The following DCHS2 variants were observed in gnomAD, a reference collection of about 807,000 sequenced individuals.
DCHS2 encodes dachsous cadherin-related 2.
A neutral mutation model predicts 182.4 loss-of-function variants in DCHS2; 142 were observed. The observed-to-expected ratio is 0.78, with a 90% CI of 0.68 to 0.89. The LOEUF is 0.89. Among genes scored for constraint, DCHS2 ranks in the 40% least tolerant of loss-of-function variants. The probability of loss-of-function intolerance (pLI) is 0.00; values close to 1 mark genes in which losing one functional copy is unlikely to be tolerated. For missense variants in DCHS2, 4,319 were observed against 4,198.6 expected (o/e 1.03, Z -0.79); for synonymous variants, 1,740 against 1,663.3 (o/e 1.05, Z -1.12).
chr4:154,344,736 G>A (rs1227438966), intron 3 of DCHS2, among the ~76,000 whole-genome samples: 1 of 152,190 alleles, frequency 6.6e-6, no homozygotes, highest in South Asian at 2.1e-4. Flanking sequence ...CTGAGGCGGT[G>A]CCGCAGGGCT....
rs996921819 is a variant in DCHS2 at position 154,391,821 on chromosome 4, C to A, written c.2053-14377G>T. 2.0e-5 allele frequency among the ~76,000 whole-genome samples: 3 copies of A among 152,116 alleles called. No homozygotes were observed. In the East Asian group the frequency reaches 5.8e-4, roughly 29 times the overall value. On this transcript the variant is annotated intron_variant, in intron 1 of 19. Transcript: ENST00000357232. The stretch of plus-strand genomic sequence containing the variant: ...TGAAGGCGATGGGCCACGTGATGGC[C>A]CTGACCTGCTGAAAGCTAAAGCTCA...
chr4:154,437,173 G>A (rs1205580316), intron 1 of DCHS2, among the ~76,000 whole-genome samples: 1 of 152,070 alleles, frequency 6.6e-6, no homozygotes, highest in African/African-American at 2.4e-5. Flanking sequence ...GTTCACCCAG[G>A]AGCTTATTAA....
In DCHS2 at chr4:154,233,179, T is replaced by TAACA. The variant is rs1391986482; in HGVS notation, c.*1353_*1356dup. On this transcript the variant is annotated 3_prime_UTR_variant, in exon 20 of 20. Transcript: ENST00000357232. ...CATTAGAATTCCTAAACTGTTAGCCTAACACCTGGCCCTCATGCTGACCAC... is the reference window on the plus strand; with the variant it reads ...CATTAGAATTCCTAAACTGTTAGCCTAACAAACACCTGGCCCTCATGCTGACCAC... 6.6e-6 allele frequency: 1 copy of TAACA among 152,140 alleles called. No homozygotes were observed. The highest frequency in any genetic ancestry group is 1.5e-5 in the Non-Finnish European group (1 of 68,016). The allele number at this position is 152,140 out of a possible 1,614,324, so 9.4% of individuals were successfully genotyped here. A position where few individuals can be genotyped will look rare whatever the true frequency, so the allele number is the denominator to read the frequency against.
intron 12 of DCHS2, among the ~76,000 whole-genome samples, chr4:154,301,665 A>G (rs915736518): frequency 2.6e-5 from 4 of 151,846 alleles, no homozygotes; most frequent in Non-Finnish European, 5.9e-5. Context: ...GCCACTGGCT[A>G]ATTTTGTATT....
intron 13 of DCHS2, among the ~76,000 whole-genome samples, chr4:154,296,382 T>A (rs1228511266): frequency 6.6e-6 from 1 of 152,124 alleles, no homozygotes; most frequent in Non-Finnish European, 1.5e-5. Flanking sequence ...GGGGAGTCAC[T>A]TGGTTAACTT....
intron 6 of DCHS2, 59 bp from the exon 7 acceptor site, chr4:154,328,251 G>C: frequency 8.0e-7 from 1 of 1,245,638 alleles, no homozygotes; most frequent in African/African-American, 1.5e-5. Context: ...AGAAATATCA[G>C]TGGACCTTTA....
intron 1 of DCHS2, chr4:154,384,348 C>T (rs1324702926): frequency 4.4e-6 from 7 of 1,607,992 alleles, no homozygotes; most frequent in Non-Finnish European, 5.9e-6. Flanking sequence ...CCTCCTCATG[C>T]ACCACCTGAC....
chr4:154,399,697 T>C (rs937458161), intron 1 of DCHS2, among the ~76,000 whole-genome samples: 3 of 152,174 alleles, frequency 2.0e-5, no homozygotes, highest in Non-Finnish European at 4.4e-5. Context: ...GACAAAGGGA[T>C]TCATGCACCA....
At chr4:154,241,803 G>C (rs540002990) in intron 17 of DCHS2, among the ~76,000 whole-genome samples, 1 of 152,070 alleles carries the variant, frequency 6.6e-6, no homozygotes, top group East Asian at 1.9e-4. Flanking sequence ...TATGCAAAAG[G>C]CAAAACTGGA....
intron 12 of DCHS2, among the ~76,000 whole-genome samples, chr4:154,300,705 TG>T (rs1272040019): frequency 3.3e-5 from 5 of 151,728 alleles, no homozygotes; most frequent in African/African-American, 4.8e-5. Context: ...ATCGAGAGCC[TG>T]TCTTTAAAAA....
chr4:154,366,087 TTAAG>T (rs1730337102), intron 3 of DCHS2, 119 bp downstream of exon 3: 1 of 695,986 alleles, frequency 1.4e-6, no homozygotes, highest in Non-Finnish European at 2.5e-6. Context: ...TGCTAGAAGG[TTAAG>T]TGAGTCCTGC....
intron 1 of DCHS2, among the ~76,000 whole-genome samples, chr4:154,389,516 T>TCATATATATATATA (rs1731575119): frequency 9.0e-6 from 1 of 111,132 alleles, no homozygotes; most frequent in Non-Finnish European, 2.0e-5. Context: ...AAGACAAAGG[T>TCATATATATATATA]TATATATATA....
intron 10 of DCHS2, among the ~76,000 whole-genome samples, chr4:154,306,354 C>T (rs867193221): frequency 1.3e-5 from 2 of 151,978 alleles, no homozygotes; most frequent in Admixed American, 6.6e-5. Flanking sequence ...TATTATTAGG[C>T]ATTACGTATA....
At chr4:154,332,188 C>T (rs1736564499) in intron 5 of DCHS2, among the ~76,000 whole-genome samples, 1 of 152,052 alleles carries the variant, frequency 6.6e-6, no homozygotes, top group African/African-American at 2.4e-5. Flanking sequence ...AGAAAAAGAA[C>T]CATATATTGG....
chr4:154,264,328 G>T (rs1394205025), intron 14 of DCHS2, among the ~76,000 whole-genome samples: 1 of 151,928 alleles, frequency 6.6e-6, no homozygotes, highest in Non-Finnish European at 1.5e-5. Flanking sequence ...GTTGGACACA[G>T]AATTATTATA....
chr4:154,369,948 T>C (rs536808674), intron 2 of DCHS2, among the ~76,000 whole-genome samples: 1 of 152,272 alleles, frequency 6.6e-6, no homozygotes, highest in African/African-American at 2.4e-5. Context: ...TACTTCTACT[T>C]TGGTAATTGT....
At chr4:154,351,157 G>A (rs932628481) in intron 3 of DCHS2, among the ~76,000 whole-genome samples, 1 of 152,142 alleles carries the variant, frequency 6.6e-6, no homozygotes, top group African/African-American at 2.4e-5. Context: ...GGGGAATGGT[G>A]GACAACAGGT....
chr4:154,443,700 C>T (rs899524502), intron 1 of DCHS2, among the ~76,000 whole-genome samples: 3 of 152,178 alleles, frequency 2.0e-5, no homozygotes, highest in African/African-American at 7.2e-5. Flanking sequence ...TCAATTGTTC[C>T]CTTTCTCAGG....
intron 5 of DCHS2, among the ~76,000 whole-genome samples, chr4:154,331,300 A>T (rs1736510956): frequency 6.6e-6 from 1 of 152,214 alleles, no homozygotes; most frequent in African/African-American, 2.4e-5. Context: ...CATACAATGA[A>T]ATTAGGAATG....
Sources: gnomAD v4.1 joint callset for allele counts (sites outside exome capture counted in the v4.1 genomes callset) on GRCh38, gnomAD v4.1.1 for gene constraint, MANE v1.5 for transcripts, NCBI Gene and HGNC (gene_info 2026-07-23, HGNC 2026-07-21) for gene names.